SATB1: variants seen among roughly 807,000 people sequenced by gnomAD.
SATB1 encodes the protein SATB homeobox 1.
A neutral mutation model predicts 86.9 loss-of-function variants in SATB1; 11 were observed. The observed-to-expected ratio is 0.13, with a 90% CI of 0.08 to 0.21. SATB1 has a LOEUF of 0.21. SATB1 is among the 10% of genes least tolerant of loss of function. SATB1 has a pLI of 1.00. For synonymous variants in SATB1, 357 were observed against 357.2 expected, an observed-to-expected ratio of 1.00 and a Z score of 0.01; for missense variants, 551 against 937.6, an observed-to-expected ratio of 0.59 and a Z score of 5.39.
At chr3:18,370,414 C>T (rs1695410879) in intron 9 of SATB1, among the ~76,000 whole-genome samples, 1 of 150,966 alleles carries the variant, frequency 6.6e-6, no homozygotes, top group African/African-American at 2.4e-5. Flanking sequence ...TCCCCAACTC[C>T]CCAACAAATC....
intron 9 of SATB1, among the ~76,000 whole-genome samples, chr3:18,370,699 T>C (rs1695439280): frequency 6.6e-6 from 1 of 152,072 alleles, no homozygotes; most frequent in African/African-American, 2.4e-5. Context: ...GACCTCAAAA[T>C]GGGTTTAGCA....
At chr3:18,405,467 T>A (rs971768187) in intron 5 of SATB1, among the ~76,000 whole-genome samples, 1 of 151,988 alleles carries the variant, frequency 6.6e-6, no homozygotes, top group African/African-American at 2.4e-5. Context: ...AGAACTAAAG[T>A]ACTTTGAGCA....
intron 9 of SATB1, among the ~76,000 whole-genome samples, chr3:18,370,535 A>T (rs1249233072): frequency 6.7e-6 from 1 of 148,562 alleles, no homozygotes; most frequent in Non-Finnish European, 1.5e-5. Context: ...AAAAAAAAAA[A>T]AGAGGAAAAA....
intron 7 of SATB1, among the ~76,000 whole-genome samples, chr3:18,388,481 G>A (rs1009891737): frequency 1.3e-5 from 2 of 152,090 alleles, no homozygotes; most frequent in Non-Finnish European, 2.9e-5. Context: ...AACACAATAT[G>A]CTACAAATTC....
chr3:18,400,476 C>T (rs779321582), intron 5 of SATB1, among the ~76,000 whole-genome samples: 2 of 152,182 alleles, frequency 1.3e-5, no homozygotes, highest in African/African-American at 2.4e-5. Flanking sequence ...TAATAGCATA[C>T]ACCTCATGGA....
At chr3:18,380,096 G>A (rs1470550578) in intron 8 of SATB1, among the ~76,000 whole-genome samples, 4 of 152,160 alleles carry the variant, frequency 2.6e-5, no homozygotes, top group Non-Finnish European at 5.9e-5. Context: ...GTCTTGCTTT[G>A]AGGCAGAGGG....
chr3:18,397,143 G>C, intron 6 of SATB1, 36 bp downstream of exon 6: 1 of 1,106,658 alleles, frequency 9.0e-7, no homozygotes, highest in Non-Finnish European at 1.4e-6. Flanking sequence ...ACACGTAATG[G>C]TATGTAGCCA....
At chr3:18,376,764 A>C (rs919052856) in intron 9 of SATB1, among the ~76,000 whole-genome samples, 2 of 152,210 alleles carry the variant, frequency 1.3e-5, no homozygotes, top group Non-Finnish European at 2.9e-5. Context: ...GCCATGATTC[A>C]TGACAGAATT....
upstream of SATB1, among the ~76,000 whole-genome samples, chr3:18,428,838 T>C (rs1698797212): frequency 6.6e-6 from 1 of 152,212 alleles, no homozygotes; most frequent in South Asian, 2.1e-4. Context: ...CAGGCAGATA[T>C]CCGAACGCAT....
At chr3:18,421,642 G>A (rs1290178621) in intron 1 of SATB1, among the ~76,000 whole-genome samples, 1 of 152,108 alleles carries the variant, frequency 6.6e-6, no homozygotes, top group Non-Finnish European at 1.5e-5. Flanking sequence ...CCAAAGATGT[G>A]ATTGGATCAG....
intron 1 of SATB1, chr3:18,421,298 G>C (rs1374048261): frequency 4.9e-6 from 1 of 202,846 alleles, no homozygotes; most frequent in African/African-American, 2.3e-5. Flanking sequence ...TACAAGTATA[G>C]CTAAAAAGAA....
intron 2 of SATB1, chr3:18,434,784 AAAATAT>A (rs1158968060): frequency 3.9e-5 from 6 of 152,092 alleles, no homozygotes; most frequent in East Asian, 1.9e-4. Context: ...CTTGAAAGAG[AAAATAT>A]AAATATAAGG....
intron 5 of SATB1, among the ~76,000 whole-genome samples, chr3:18,412,330 AG>A (rs1413633773): frequency 6.6e-6 from 1 of 152,080 alleles, no homozygotes; most frequent in Non-Finnish European, 1.5e-5. Flanking sequence ...CATTGGAGGC[AG>A]GGCTTATTCA....
upstream of SATB1, among the ~76,000 whole-genome samples, chr3:18,440,458 C>T (rs781049956): frequency 2.0e-5 from 3 of 152,100 alleles, no homozygotes; most frequent in African/African-American, 4.8e-5. Flanking sequence ...GAGACAGAGC[C>T]GTTATTTAGT....
chr3:18,376,249 G>A (rs1276273591), intron 9 of SATB1, among the ~76,000 whole-genome samples: 2 of 138,770 alleles, frequency 1.4e-5, no homozygotes, highest in Non-Finnish European at 3.1e-5. Context: ...ATCAATCACA[G>A]GGAATCAGAA....
rs77910317 is a variant in SATB1, at chr3:18,397,497, G to A, written c.640-207C>T. Among the ~76,000 whole-genome samples, 402 of 152,196 alleles carry A rather than the reference G, an allele frequency of 2.6e-3. 2 individuals carry two copies. Among genetic ancestry groups the A allele is most frequent in the Non-Finnish European group, 4.9e-3 (336 of 68,006 alleles). ...TTTAAGTAGAAAGCAACAGCCCACT[G>A]AGACCAGTATAAAGCTATCAAACCC... On this transcript the variant is annotated intron_variant, in intron 5 of 10. Transcript: ENST00000338745.
At chr3:18,350,770 C>T (rs957620748) in intron 10 of SATB1, 4 of 154,044 alleles carry the variant, frequency 2.6e-5, no homozygotes, top group Non-Finnish European at 4.3e-5. Context: ...CTTGTTTTAT[C>T]TTTAATACAC....
chr3:18,351,353 C>A, intron 10 of SATB1: 2 of 1,555,212 alleles, frequency 1.3e-6, no homozygotes, highest in Non-Finnish European at 1.7e-6. Context: ...GGTCGGCAGG[C>A]CTGGTAAGAA....
chr3:18,349,030 A>G lies in SATB1; in HGVS notation c.*140T>C. 2 of 1,401,552 alleles carry G rather than the reference A, an allele frequency of 1.4e-6. No individual in the cohort carries two copies. Among genetic ancestry groups the G allele is most frequent in the Non-Finnish European group, 1.9e-6 (2 of 1,056,432 alleles). The allele number at this position is 1,401,552 out of a possible 1,614,324, so 86.8% of individuals were successfully genotyped here. Reference sequence around the variant, plus strand: ...GTGCAGTCTGTATTATCCTTTTCCAACTTTTCTGTTTGTGCAAGTTTTTGA... The same window carrying G: ...GTGCAGTCTGTATTATCCTTTTCCAGCTTTTCTGTTTGTGCAAGTTTTTGA... On this transcript the variant is annotated 3_prime_UTR_variant, in exon 11 of 11. Coordinates refer to ENST00000338745, the MANE Select transcript of SATB1 (RefSeq NM_002971.6). This position sits in a 1 kb window ranked among gnomAD's most constrained non-coding sequence, Gnocchi z 5.5.
Sources: allele counts gnomAD v4.1 joint callset (sites outside exome capture counted in the v4.1 genomes callset), GRCh38; gene constraint gnomAD v4.1.1; non-coding constraint Gnocchi (gnomAD v3.1); transcripts MANE v1.5; gene names NCBI Gene and HGNC (gene_info 2026-07-23, HGNC 2026-07-21).